KLHL6: variants seen among roughly 807,000 people sequenced by gnomAD.
KLHL6 encodes the protein kelch like family member 6.
KLHL6 carries 41 observed loss-of-function variants against 58.6 expected under a neutral mutation model. The ratio of observed to expected loss-of-function variants is 0.70; its 90% confidence interval spans 0.55 to 0.91. KLHL6 has a LOEUF of 0.91. KLHL6 is among the 40% of genes least tolerant of loss of function. The pLI, the probability that KLHL6 is intolerant of heterozygous loss-of-function variation, is 0.00. For synonymous variants in KLHL6, 338 were observed against 322.7 expected (o/e 1.05, Z -0.51); for missense variants, 714 against 805.6 (o/e 0.89, Z 1.38).
At position 183,555,577 on chromosome 3, in the gene KLHL6, G is replaced by A; in HGVS notation, c.77C>T (p.Pro26Leu). Residue 26 changes from proline (P) to leucine (L), a missense_variant, in exon 1 of 7, where the codon CCT (proline) becomes CTT (leucine). Around this residue, in one of 2 missense-constraint regions of KLHL6, gnomAD observed 204 missense variants for 175.9 expected, o/e 1.16. Transcript: ENST00000341319. ...TTTCTGGGAGGGCTCATCTGTAGAA[G>A]GTGCCAGGGGCCCTTCCAAACTCTT... ...VEKSLEGPLA[P>L]STDEPSQKTG... 6.2e-7 allele frequency: 1 copy of A among 1,614,100 alleles called. No homozygotes were observed. The highest frequency in any genetic ancestry group is 8.5e-7 in the Non-Finnish European group (1 of 1,180,020).
At position 183,555,635 on chromosome 3, in the gene KLHL6, T is replaced by G. The variant is rs1347448338; in HGVS notation, c.19A>C (p.Arg7=). The stretch of plus-strand genomic sequence containing the variant: ...ACATCACCCATGGTCCAGGCGCCCC[T>G]TTGTCCTGCCATCAACATCGAGACT... MLMAGQ[R]GAWTMGDVVE... Residue 7 remains arginine, a synonymous_variant, in exon 1 of 7, where the codon AGG becomes CGG. Coordinates refer to ENST00000341319, the MANE Select transcript of KLHL6 (RefSeq NM_130446.4). The G allele has an allele frequency of 6.3e-7, 1 of 1,599,960 alleles. No individual in the cohort carries two copies. Among genetic ancestry groups the G allele is most frequent in the Non-Finnish European group, 8.5e-7 (1 of 1,173,904 alleles).
chr3:183,533,184 C>T (rs762320037), intron 1 of KLHL6, among the ~76,000 whole-genome samples: 3 of 152,148 alleles, frequency 2.0e-5, no homozygotes, highest in African/African-American at 4.8e-5. Flanking sequence ...GAGGGGATTA[C>T]ACCTCTAAGT....
rs571541230 is a variant in KLHL6 at position 183,541,797 on chromosome 3, A to G, written c.293+13564T>C. Among the ~76,000 whole-genome samples, 23 of 152,368 alleles carry G rather than the reference A, an allele frequency of 1.5e-4. No individual in the cohort carries two copies. In the South Asian group the frequency reaches 4.4e-3, roughly 29 times the overall value. On this transcript the variant is annotated intron_variant, in intron 1 of 6. Transcript: ENST00000341319. ...ATATTTTAATAATAGCTGTGGCTCTATCTCCAAGGTGTTCAAGAATTGCAA... is the reference window on the plus strand; with the variant it reads ...ATATTTTAATAATAGCTGTGGCTCTGTCTCCAAGGTGTTCAAGAATTGCAA...
intron 2 of KLHL6, among the ~76,000 whole-genome samples, chr3:183,526,172 G>A (rs113319217): frequency 0.43 from 65,716 of 151,970 alleles, 16,847 homozygotes; most frequent in Non-Finnish European, 0.58. Context: ...TTAGCCGGGC[G>A]TGGTGGCACA....
chr3:183,534,167 C>CTTTAAA (rs1560107136), intron 1 of KLHL6, among the ~76,000 whole-genome samples: 1 of 15,070 alleles, frequency 6.6e-5, no homozygotes, highest in African/African-American at 2.8e-4. Context: ...CTTTAAAAGA[C>CTTTAAA]ATTACTTTAA....
At chr3:183,514,400 C>T (rs1319644519) in intron 2 of KLHL6, among the ~76,000 whole-genome samples, 1 of 152,118 alleles carries the variant, frequency 6.6e-6, no homozygotes, top group Non-Finnish European at 1.5e-5. Context: ...AGTCCTGGAG[C>T]TGCCCTGTTG....
chr3:183,553,350 G>A (rs929334013), intron 1 of KLHL6, among the ~76,000 whole-genome samples: 5 of 152,164 alleles, frequency 3.3e-5, no homozygotes, highest in African/African-American at 1.2e-4. Context: ...CATTTAGGAT[G>A]AGAAACCCAA....
At chr3:183,509,947 T>C (rs1718134803) in intron 2 of KLHL6, among the ~76,000 whole-genome samples, 1 of 152,234 alleles carries the variant, frequency 6.6e-6, no homozygotes, top group Non-Finnish European at 1.5e-5. Context: ...AATGAATACG[T>C]ACCGCTTTTG....
rs1052088234 is a variant in KLHL6 at position 183,492,295 on chromosome 3, A to G, written c.1565-67T>C. Reference sequence around the variant, plus strand: ...TCTGGTTTCTTCCCTCTTAACCACTAAAATTCAACTTCTGATTAGGCCAAG... The same window carrying G: ...TCTGGTTTCTTCCCTCTTAACCACTGAAATTCAACTTCTGATTAGGCCAAG... On this transcript the variant is annotated intron_variant, in intron 6 of 6. Transcript: ENST00000341319. The surrounding 1 kb of genome is among the most constrained non-coding windows in gnomAD (Gnocchi z 5.9). 7.0e-7 allele frequency: 1 copy of G among 1,430,770 alleles called. No individual in the cohort carries two copies. The highest frequency in any genetic ancestry group is 9.4e-7 in the Non-Finnish European group (1 of 1,064,558). 88.6% of individuals were successfully genotyped at this position (1,430,770 alleles called of 1,614,324 possible). A position where few individuals can be genotyped will look rare whatever the true frequency, so the allele number is the denominator to read the frequency against.
chr3:183,555,537 G>C lies in KLHL6; in HGVS notation c.117C>G (p.Val39=), dbSNP rs267599704. Residue 39 remains valine (V), a synonymous_variant, in exon 1 of 7, where the codon GTC becomes GTG. Coordinates refer to ENST00000341319, the MANE Select transcript of KLHL6 (RefSeq NM_130446.4). ...DEPSQKTGDL[V]EILNGEKVKF... The stretch of plus-strand genomic sequence containing the variant: ...TGACCTTTTCCCCATTTAAGATCTC[G>C]ACCAAGTCTCCTGTTTTCTGGGAGG... 1.9e-6 allele frequency: 3 copies of C among 1,614,090 alleles called. No homozygotes were observed. Among genetic ancestry groups the C allele is most frequent in the Non-Finnish European group, 2.5e-6 (3 of 1,180,014 alleles).
chr3:183,508,560 G>A, intron 2 of KLHL6, 52 bp from the exon 3 acceptor site: 4 of 1,544,880 alleles, frequency 2.6e-6, no homozygotes, highest in Non-Finnish European at 3.5e-6. Flanking sequence ...GAGTCCACAA[G>A]GAGGTTTATC....
At chr3:183,502,322 G>T (rs781492435) in intron 3 of KLHL6, among the ~76,000 whole-genome samples, 1 of 150,902 alleles carries the variant, frequency 6.6e-6, no homozygotes, top group Non-Finnish European at 1.5e-5. Context: ...AAAAATGAGT[G>T]AATGGATGAG....
At position 183,530,335 on chromosome 3, in the gene KLHL6, A is replaced by G. The variant is rs111378636; in HGVS notation, c.294-2325T>C. Among the ~76,000 whole-genome samples, 481 of 152,344 alleles carry G rather than the reference A, an allele frequency of 3.2e-3. 8 individuals are homozygous for G. The highest frequency in any genetic ancestry group is 0.011 in the African/African-American group (438 of 41,584). ...AAAGATCATTCTGGTGAAGTCTCCA[A>G]TGGAAATGAGGAACACGTATTGGAA... is the stretch of plus-strand genomic sequence containing the variant. On this transcript the variant is annotated intron_variant, in intron 1 of 6. Coordinates refer to ENST00000341319, the MANE Select transcript of KLHL6 (RefSeq NM_130446.4).
intron 3 of KLHL6, 138 bp downstream of exon 3, chr3:183,507,921 G>A (rs900510982): frequency 9.8e-6 from 7 of 712,808 alleles, no homozygotes; most frequent in South Asian, 1.9e-5. Flanking sequence ...GGAACTGACC[G>A]ACTCAGCAAT....
intron 4 of KLHL6, among the ~76,000 whole-genome samples, chr3:183,498,118 C>G (rs886170212): frequency 6.6e-6 from 1 of 152,090 alleles, no homozygotes; most frequent in Non-Finnish European, 1.5e-5. Flanking sequence ...CCTGTAATCC[C>G]AGCTACCTGG....
intron 4 of KLHL6, among the ~76,000 whole-genome samples, chr3:183,494,491 C>T (rs1717663009): frequency 6.6e-6 from 1 of 152,172 alleles, no homozygotes; most frequent in Non-Finnish European, 1.5e-5. Flanking sequence ...TGATGTGCCA[C>T]ACTGTGTCAT....
At position 183,506,829 on chromosome 3, in the gene KLHL6, AAAATAAATAAAT is replaced by A. The variant is rs144672351; in HGVS notation, c.909+1218_909+1229del. On this transcript the variant is annotated intron_variant, in intron 3 of 6. Coordinates refer to ENST00000341319, the MANE Select transcript of KLHL6 (RefSeq NM_130446.4). The stretch of plus-strand genomic sequence containing the variant: ...GGCAACAGAGCAAGACCTCCTCTCA[AAAATAAATAAAT>A]AAATAAATAAATAAATAAATAAATA... 7.6e-3 allele frequency among the ~76,000 whole-genome samples: 1,089 copies of A among 143,804 alleles called. 10 individuals carry two copies. Among genetic ancestry groups the A allele is most frequent in the African/African-American group, 0.02 (780 of 38,762 alleles). 94.3% of individuals were successfully genotyped at this position (143,804 alleles called of 152,430 possible). A position where few individuals can be genotyped will look rare whatever the true frequency, so the allele number is the denominator to read the frequency against.
rs903511551 is a variant in KLHL6 at position 183,548,438 on chromosome 3, A to G, written c.293+6923T>C. 4.6e-5 allele frequency among the ~76,000 whole-genome samples: 7 copies of G among 152,016 alleles called. No individual in the cohort carries two copies. In the East Asian group the frequency reaches 1.4e-3, roughly 29 times the overall value. On this transcript the variant is annotated intron_variant, in intron 1 of 6. Transcript: ENST00000341319. ...CCAGGCTGAGGCTGAGTCATTAGCA[A>G]TCTCCTTTGTTGATGCTGCTGCCTG...
rs1353472675 is a variant in KLHL6, at chr3:183,499,454, G to A, written c.1147+136C>T. On this transcript the variant is annotated intron_variant, in intron 4 of 6. Coordinates refer to ENST00000341319, the MANE Select transcript of KLHL6 (RefSeq NM_130446.4). This position sits in a 1 kb window ranked among gnomAD's most constrained non-coding sequence, Gnocchi z 4.6. ...AAGATAAGACCACCTGAGCTCCTGG[G>A]TCCATATCCTGTCTCAGTCAGAGCC... 1 of 641,086 alleles carries A rather than the reference G, an allele frequency of 1.6e-6. No homozygotes were observed. The highest frequency in any genetic ancestry group is 2.8e-6 in the Non-Finnish European group (1 of 362,000). 39.7% of individuals were successfully genotyped at this position (641,086 alleles called of 1,614,324 possible).
Sources: gnomAD v4.1 joint callset for allele counts (sites outside exome capture counted in the v4.1 genomes callset) on GRCh38, gnomAD v4.1.1 for gene constraint, gnomAD v4.1.1 regional missense constraint, Gnocchi (gnomAD v3.1) non-coding constraint, MANE v1.5 for transcripts, NCBI Gene and HGNC (gene_info 2026-07-23, HGNC 2026-07-21) for gene names.